PAX5: variants seen among roughly 807,000 people sequenced by gnomAD.
PAX5 encodes the protein paired box protein Pax-5.
In PAX5, 9 loss-of-function variants were observed where a neutral mutation model predicts 43.7. That is an observed-to-expected ratio of 0.21 (90% confidence interval 0.12 to 0.36). The LOEUF is 0.36. PAX5 is among the 10% of genes least tolerant of loss of function. The pLI is 1.00. For synonymous variants in PAX5, 228 were observed against 214.3 expected, an observed-to-expected ratio of 1.06 and a Z score of -0.56; for missense variants, 383 against 532.7, an observed-to-expected ratio of 0.72 and a Z score of 2.77.
rs1400362438 is a variant in PAX5, at chr9:36,908,216, A to C, written c.910+15139T>G. Among the ~76,000 whole-genome samples, 4 of 147,766 alleles carry C rather than the reference A, an allele frequency of 2.7e-5. No individual in the cohort carries two copies. The East Asian group carries it at 6.0e-4, about 22-fold the overall frequency. On this transcript the variant is annotated intron_variant, in intron 7 of 9. Transcript: ENST00000358127. ...CCTGTTTCAAAAAAAAAAAAAGAAG[A>C]CTTTTTTTTTTTTAAGAGAATGGTG...
At chr9:36,891,095 C>A (rs1359194001) in intron 7 of PAX5, among the ~76,000 whole-genome samples, 20 of 152,116 alleles carry the variant, frequency 1.3e-4, no homozygotes, top group Non-Finnish European at 2.9e-5. Flanking sequence ...GCCGAGATTG[C>A]GCCACTGCAC....
rs140690221 is a variant in PAX5 at position 36,895,221 on chromosome 9, C to T, written c.911-13116G>A. Among the ~76,000 whole-genome samples, 155 of 152,332 alleles carry T rather than the reference C, an allele frequency of 1.0e-3. 1 individual carries two copies. The highest frequency in any genetic ancestry group is 3.4e-3 in the Middle Eastern group (1 of 294). On this transcript the variant is annotated intron_variant, in intron 7 of 9. Coordinates refer to ENST00000358127, the MANE Select transcript of PAX5 (RefSeq NM_016734.3). ...CAGGCCTGTGCACAAAGGTGGAGGCCTCTGGAGCGGTTCACCCCATGCCTG... is the reference window on the plus strand; with the variant it reads ...CAGGCCTGTGCACAAAGGTGGAGGCTTCTGGAGCGGTTCACCCCATGCCTG...
chr9:37,002,214 C>T lies in PAX5; in HGVS notation c.604+434G>A, dbSNP rs117248346. ...GGGCCTTTCAGAGAACCCACCCCTC[C>T]GCCCTCCGCACGTGTGCCCCTCTCA... On this transcript the variant is annotated intron_variant, in intron 5 of 9. Coordinates refer to ENST00000358127, the MANE Select transcript of PAX5 (RefSeq NM_016734.3). 8.3e-3 allele frequency among the ~76,000 whole-genome samples: 1,268 copies of T among 152,308 alleles called. 32 individuals carry two copies. The South Asian group carries it at 0.087, about 10-fold the overall frequency.
rs1714615274 is a variant in PAX5, at chr9:36,835,678, C to T, written c.*4882G>A. The stretch of plus-strand genomic sequence containing the variant: ...TTTAAGAAATGTACTTGCCTCGGAC[C>T]TCTCCGAGGCCAAAAGAACGAAAGA... On this transcript the variant is annotated 3_prime_UTR_variant, in exon 10 of 10. Transcript: ENST00000358127. 4.3e-6 allele frequency: 1 copy of T among 233,170 alleles called. No individual in the cohort carries two copies. Among genetic ancestry groups the T allele is most frequent in the African/African-American group, 2.2e-5 (1 of 45,352 alleles). 14.4% of individuals were successfully genotyped at this position (233,170 alleles called of 1,614,324 possible). A position where few individuals can be genotyped will look rare whatever the true frequency, so the allele number is the denominator to read the frequency against.
At chr9:36,852,505 G>A (rs910665522) in intron 8 of PAX5, among the ~76,000 whole-genome samples, 3 of 152,196 alleles carry the variant, frequency 2.0e-5, no homozygotes, top group East Asian at 1.9e-4. Context: ...AAAAAATGAC[G>A]GCGAGACTAG....
intron 1 of PAX5, among the ~76,000 whole-genome samples, chr9:37,031,171 C>G (rs1036559515): frequency 1.3e-4 from 20 of 152,088 alleles, no homozygotes; most frequent in Admixed American, 1.3e-3. Context: ...CCAGGTTTTT[C>G]AAGAATCATG....
Position 36,949,965 on chromosome 9 carries a change from C to CT in PAX5, c.780+16583dup, listed in dbSNP as rs1252359850. On this transcript the variant is annotated intron_variant, in intron 6 of 9. Transcript: ENST00000358127. ...CCCTCGACCTCCCTAAGCGACACCTCTTTGACTCCACTGACCTTAATCTCC... is the reference window on the plus strand; with the variant it reads ...CCCTCGACCTCCCTAAGCGACACCTCTTTTGACTCCACTGACCTTAATCTCC... 3.3e-5 allele frequency among the ~76,000 whole-genome samples: 5 copies of CT among 152,370 alleles called. No homozygotes were observed. The East Asian group carries it at 9.6e-4, about 29-fold the overall frequency.
chr9:36,975,495 C>A (rs1448202620), intron 5 of PAX5, among the ~76,000 whole-genome samples: 1 of 152,032 alleles, frequency 6.6e-6, no homozygotes, highest in Non-Finnish European at 1.5e-5. Flanking sequence ...ACGCCATTCT[C>A]CTGCCTCAGC....
chr9:37,001,866 G>A (rs190790923), intron 5 of PAX5, among the ~76,000 whole-genome samples: 1 of 123,722 alleles, frequency 8.1e-6, no homozygotes, highest in East Asian at 2.5e-4. Flanking sequence ...CAGGCTCCCA[G>A]GGGGTCTTTT....
intron 7 of PAX5, among the ~76,000 whole-genome samples, chr9:36,887,724 T>G (rs1368309995): frequency 6.6e-6 from 1 of 152,194 alleles, no homozygotes; most frequent in African/African-American, 2.4e-5. Flanking sequence ...TCCATGACCC[T>G]GGATTCGGCA....
intron 5 of PAX5, among the ~76,000 whole-genome samples, chr9:36,969,693 T>A (rs1834774371): frequency 6.6e-6 from 1 of 152,154 alleles, no homozygotes. Context: ...CCTGTAAGGA[T>A]ATCTAGGCTG....
At position 36,840,225 on chromosome 9, in the gene PAX5, G is replaced by A. The variant is rs1821928532; in HGVS notation, c.*335C>T. ...CAAGCTCTCCTTCCCAGGCTGGGGT[G>A]GTTATGATGGATGGATAGTCAGACA... On this transcript the variant is annotated 3_prime_UTR_variant, in exon 10 of 10. Coordinates refer to ENST00000358127, the MANE Select transcript of PAX5 (RefSeq NM_016734.3). 2.0e-6 allele frequency: 1 copy of A among 493,098 alleles called. No homozygotes were observed. Among genetic ancestry groups the A allele is most frequent in the Non-Finnish European group, 3.6e-6 (1 of 274,572 alleles). The allele number at this position is 493,098 out of a possible 1,614,324, so 30.5% of individuals were successfully genotyped here. A position where few individuals can be genotyped will look rare whatever the true frequency, so the allele number is the denominator to read the frequency against.
chr9:37,029,136 C>A (rs1840715078), intron 1 of PAX5, among the ~76,000 whole-genome samples: 2 of 152,218 alleles, frequency 1.3e-5, no homozygotes, highest in South Asian at 4.1e-4. Context: ...ATCCACAAAA[C>A]AAGGGCTTTG....
chr9:36,989,047 C>T (rs1212850785), intron 5 of PAX5, among the ~76,000 whole-genome samples: 1 of 152,164 alleles, frequency 6.6e-6, no homozygotes, highest in Non-Finnish European at 1.5e-5. Context: ...CACATGTGAC[C>T]AGCCGGCTGC....
rs149247769 is a variant in PAX5, at chr9:36,877,711, G to T, written c.1012+4293C>A. On this transcript the variant is annotated intron_variant, in intron 8 of 9. Coordinates refer to ENST00000358127, the MANE Select transcript of PAX5 (RefSeq NM_016734.3). ...ACAAATCAGCATCTGAACAAACACTGAGTTGAAGTTCTCAAGCGTGTTGTG... is the reference window on the plus strand; with the variant it reads ...ACAAATCAGCATCTGAACAAACACTTAGTTGAAGTTCTCAAGCGTGTTGTG... Among the ~76,000 whole-genome samples the T allele has an allele frequency of 5.6e-3, 854 of 152,322 alleles. 7 individuals carry two copies. The highest frequency in any genetic ancestry group is 8.5e-3 in the Non-Finnish European group (577 of 68,030).
At chr9:37,024,382 C>A (rs766112648) in intron 1 of PAX5, among the ~76,000 whole-genome samples, 1 of 151,858 alleles carries the variant, frequency 6.6e-6, no homozygotes, top group Non-Finnish European at 1.5e-5. Flanking sequence ...GGTAGGGGGA[C>A]GGAGGCAGGG....
chr9:36,875,739 G>A (rs1027036850), intron 8 of PAX5, among the ~76,000 whole-genome samples: 1 of 152,130 alleles, frequency 6.6e-6, no homozygotes, highest in African/African-American at 2.4e-5. Flanking sequence ...AGGGGCAGCC[G>A]GATAAAGACT....
intron 5 of PAX5, among the ~76,000 whole-genome samples, chr9:36,971,449 A>C (rs1402112783): frequency 1.3e-5 from 2 of 152,214 alleles, no homozygotes; most frequent in Non-Finnish European, 2.9e-5. Flanking sequence ...TGCACCATGA[A>C]GATGCTGTCT....
intron 6 of PAX5, among the ~76,000 whole-genome samples, chr9:36,935,427 G>A (rs1831470814): frequency 6.6e-6 from 1 of 151,866 alleles, no homozygotes; most frequent in South Asian, 2.1e-4. Flanking sequence ...AGAATTGAAG[G>A]GCTTCCAAGA....
Sources: gnomAD v4.1 joint callset for allele counts (sites outside exome capture counted in the v4.1 genomes callset) on GRCh38, gnomAD v4.1.1 for gene constraint, MANE v1.5 for transcripts, NCBI Gene and HGNC (gene_info 2026-07-23, HGNC 2026-07-21) for gene names.